The following RBFOX2 variants were observed in gnomAD, a reference collection of about 807,000 sequenced individuals.
The protein encoded by RBFOX2 is RNA binding protein fox-1 homolog 2.
Under a neutral mutation model 49.1 loss-of-function variants are expected in RBFOX2, and 10 were observed. The ratio of observed to expected loss-of-function variants is 0.20; its 90% CI spans 0.13 to 0.35. RBFOX2 has a LOEUF of 0.35. RBFOX2 is among the 10% of genes least tolerant of loss of function. The pLI is 1.00. For missense variants in RBFOX2, 323 were observed against 486.9 expected (o/e 0.66, Z 3.17); for synonymous variants, 183 against 187.4 (o/e 0.98, Z 0.19).
intron 1 of RBFOX2, chr22:35,997,013 T>G (rs532571827): frequency 1.3e-5 from 2 of 152,334 alleles, no homozygotes; most frequent in Admixed American, 6.5e-5. Flanking sequence ...AAGAAAGAAC[T>G]TCTCAGAGTT....
chr22:35,979,928 G>A (rs1374705932), intron 1 of RBFOX2, among the ~76,000 whole-genome samples: 1 of 152,130 alleles, frequency 6.6e-6, no homozygotes, highest in African/African-American at 2.4e-5. Flanking sequence ...ACGTAACGAA[G>A]TATGTGCCAA....
At chr22:35,849,022 T>C (rs886905920) in intron 1 of RBFOX2, among the ~76,000 whole-genome samples, 1 of 152,184 alleles carries the variant, frequency 6.6e-6, no homozygotes, top group Non-Finnish European at 1.5e-5. Flanking sequence ...TAACATTTTC[T>C]GATTCTAAAT....
In RBFOX2 at chr22:35,799,771, G is replaced by A. The variant is rs74805937; in HGVS notation, c.252+10009C>T. 4.4e-3 allele frequency among the ~76,000 whole-genome samples: 669 copies of A among 152,078 alleles called. 3 individuals are homozygous for A. Among genetic ancestry groups the A allele is most frequent in the Middle Eastern group, 0.017 (5 of 294 alleles). On this transcript the variant is annotated intron_variant, in intron 2 of 11. Transcript: ENST00000405409. ...CAGACCAGCCAGAGCAAGACACAGG[G>A]AGACCCTGTCTCTACAAATAATAAA...
At chr22:35,878,629 T>C (rs555590059) in intron 1 of RBFOX2, among the ~76,000 whole-genome samples, 76 of 152,326 alleles carry the variant, frequency 5.0e-4, no homozygotes, top group African/African-American at 1.3e-3. Context: ...TTTGTAGAGA[T>C]AGGGTACCAC....
chr22:35,756,257 G>T, intron 9 of RBFOX2, 113 bp from the exon 11 acceptor site: 7 of 890,206 alleles, frequency 7.9e-6, no homozygotes, highest in Non-Finnish European at 1.1e-5. Flanking sequence ...GGTGATGTAT[G>T]AATACATAAC....
intron 1 of RBFOX2, among the ~76,000 whole-genome samples, chr22:35,862,530 T>C (rs1161063849): frequency 6.6e-6 from 1 of 152,174 alleles, no homozygotes; most frequent in African/African-American, 2.4e-5. Context: ...AGCACGTGCA[T>C]ACATCCTCCT....
At chr22:35,965,617 A>G (rs565396361), upstream of RBFOX2, among the ~76,000 whole-genome samples, 1 of 152,314 alleles carries the variant, frequency 6.6e-6, no homozygotes, top group South Asian at 2.1e-4. Context: ...ATTAGTTTAA[A>G]AAGTGGTCAA....
At chr22:35,901,167 T>C (rs2048523549) in intron 1 of RBFOX2, among the ~76,000 whole-genome samples, 2 of 152,242 alleles carry the variant, frequency 1.3e-5, no homozygotes, top group Admixed American at 1.3e-4. Context: ...AATATACTCA[T>C]GGTCTCACAG....
chr22:35,896,008 G>A (rs1330421992), intron 1 of RBFOX2, among the ~76,000 whole-genome samples: 2 of 152,096 alleles, frequency 1.3e-5, no homozygotes, highest in African/African-American at 2.4e-5. Flanking sequence ...AGAAAATCAC[G>A]TAATTATCCC....
chr22:35,876,879 T>C (rs1342385387), intron 1 of RBFOX2, among the ~76,000 whole-genome samples: 2 of 152,096 alleles, frequency 1.3e-5, no homozygotes, highest in East Asian at 1.9e-4. Context: ...AAAAACAAGA[T>C]AGCTAAAATA....
chr22:35,782,390 C>T (rs1945347637), intron 2 of RBFOX2, among the ~76,000 whole-genome samples: 2 of 152,064 alleles, frequency 1.3e-5, no homozygotes, highest in Admixed American at 6.5e-5. Context: ...GGTGCAATCT[C>T]GGGTCACTGC....
At chr22:35,751,175 C>T (rs1441297057) in intron 9 of RBFOX2, among the ~76,000 whole-genome samples, 1 of 152,228 alleles carries the variant, frequency 6.6e-6, no homozygotes, top group African/African-American at 2.4e-5. Context: ...CACTGGCAGA[C>T]TTTTGCCTTG....
At chr22:35,916,629 C>T (rs191398366) in intron 1 of RBFOX2, among the ~76,000 whole-genome samples, 4 of 152,252 alleles carry the variant, frequency 2.6e-5, no homozygotes, top group Admixed American at 6.5e-5. Context: ...GCCGTGGTAG[C>T]TCATGCCTGT....
chr22:35,794,526 T>C (rs9610353), intron 2 of RBFOX2, among the ~76,000 whole-genome samples: 21,273 of 151,688 alleles, frequency 0.14, 2,019 homozygotes, highest in East Asian at 0.3. Context: ...GGCGTGGTGG[T>C]GGGCACCTGT....
At chr22:35,938,820 T>C in intron 1 of RBFOX2, 27 bp downstream of exon 2, 1 of 1,599,284 alleles carries the variant, frequency 6.3e-7, no homozygotes, top group Non-Finnish European at 8.6e-7. Context: ...ACATACATCA[T>C]CTGAGTTACA....
At chr22:35,981,934 A>G (rs528252710) in intron 1 of RBFOX2, among the ~76,000 whole-genome samples, 83 of 152,336 alleles carry the variant, frequency 5.4e-4, no homozygotes, top group Non-Finnish European at 1.0e-3. Context: ...AGGAAGACTT[A>G]TAAGTCAGGA....
chr22:35,814,911 G>A (rs900822763), intron 1 of RBFOX2, among the ~76,000 whole-genome samples: 1 of 151,938 alleles, frequency 6.6e-6, no homozygotes, highest in Non-Finnish European at 1.5e-5. Context: ...GTCTGTACAT[G>A]TTTAGTACAG....
intron 6 of RBFOX2, among the ~76,000 whole-genome samples, chr22:35,764,172 G>A (rs1010190742): frequency 9.9e-5 from 15 of 152,028 alleles, no homozygotes; most frequent in African/African-American, 3.6e-4. Flanking sequence ...GTGAAAAGCT[G>A]GGCTAAATAT....
chr22:35,898,367 A>G (rs1001165963), intron 1 of RBFOX2: 3 of 630,826 alleles, frequency 4.8e-6, no homozygotes, highest in African/African-American at 3.7e-5. Flanking sequence ...TGACATTGGC[A>G]GGGCCCAGAC....
Sources: allele counts gnomAD v4.1 joint callset (sites outside exome capture counted in the v4.1 genomes callset), GRCh38; gene constraint gnomAD v4.1.1; transcripts MANE v1.5; gene names NCBI Gene and HGNC (gene_info 2026-07-23, HGNC 2026-07-21).